The following ST7L variants were observed in gnomAD, a reference collection of about 807,000 sequenced individuals.
ST7L encodes suppressor of tumorigenicity 7 protein-like.
In ST7L, 57 loss-of-function variants were observed where a neutral mutation model predicts 72.5. That is an observed-to-expected ratio of 0.79 (90% confidence interval 0.64 to 0.98). The LOEUF (loss-of-function observed/expected upper bound fraction) is 0.98, where lower values mean the gene tolerates loss of function less well. Ranked by LOEUF, ST7L falls within the 50% of genes least tolerant of loss-of-function variation. The pLI is 0.00. For missense variants in ST7L, 576 were observed against 672.2 expected, an observed-to-expected ratio of 0.86 and a Z score of 1.58; for synonymous variants, 221 against 240.9, an observed-to-expected ratio of 0.92 and a Z score of 0.77.
intron 13 of ST7L, among the ~76,000 whole-genome samples, chr1:112,548,137 T>C (rs1657469299): frequency 6.6e-6 from 1 of 152,048 alleles, no homozygotes; most frequent in Non-Finnish European, 1.5e-5. Context: ...GGTGGATCAC[T>C]TGAGGCCAGG....
downstream of ST7L, chr1:112,520,796 T>A: frequency 2.2e-6 from 1 of 448,880 alleles, no homozygotes; most frequent in East Asian, 3.6e-5. Flanking sequence ...TGAGTTGCAC[T>A]AAAGTACGTA....
In ST7L at chr1:112,619,098, C is replaced by G. The variant is rs763465036; in HGVS notation, c.16G>C (p.Gly6Arg). 1 of 1,613,426 alleles carries G rather than the reference C, an allele frequency of 6.2e-7. No individual in the cohort carries two copies. Among genetic ancestry groups the G allele is most frequent in the East Asian group, 2.2e-5 (1 of 44,874 alleles). MADRG[G>R]VGEAAAVGAS... ...CCAACAGCTGCGGCTTCACCCACGC[C>G]GCCACGGTCCGCCATCTTGCCGCTA... Residue 6 changes from glycine (G) to arginine (R), a missense_variant, in exon 1 of 15, where the codon GGC becomes CGC. Physicochemically the swap from Gly to Arg is moderately radical, Grantham distance 125 (BLOSUM62 -2). Coordinates refer to ENST00000358039, the MANE Select transcript of ST7L (RefSeq NM_017744.5).
rs144874153 is a variant in ST7L, at chr1:112,531,502, G to A, written c.1630-5391C>T. On this transcript the variant is annotated intron_variant, in intron 14 of 14. Transcript: ENST00000358039. The stretch of plus-strand genomic sequence containing the variant: ...TTGACCTAACCGAATAAATTCTTCT[G>A]AAAGGAAGCATAATCTATTAGTCTA... 3.9e-5 allele frequency among the ~76,000 whole-genome samples: 6 copies of A among 152,280 alleles called. No individual in the cohort carries two copies. The East Asian group carries it at 9.7e-4, about 24-fold the overall frequency.
intron 11 of ST7L, among the ~76,000 whole-genome samples, chr1:112,562,903 T>C (rs1358635555): frequency 6.6e-6 from 1 of 152,142 alleles, no homozygotes; most frequent in African/African-American, 2.4e-5. Flanking sequence ...CAAGACACGG[T>C]AAAGTATTTG....
At chr1:112,560,944 C>G (rs184408441) in intron 11 of ST7L, among the ~76,000 whole-genome samples, 70 of 139,458 alleles carry the variant, frequency 5.0e-4, no homozygotes, top group Non-Finnish European at 8.5e-4. Context: ...GCCTGGGCGA[C>G]AACAGCAAAA....
intron 4 of ST7L, among the ~76,000 whole-genome samples, chr1:112,599,293 T>G (rs1667048829): frequency 6.6e-6 from 1 of 151,678 alleles, no homozygotes; most frequent in Non-Finnish European, 1.5e-5. Flanking sequence ...ATGGCATCTT[T>G]CATAAAAGCC....
chr1:112,552,849 TC>T, intron 12 of ST7L, among the ~76,000 whole-genome samples: 1 of 152,196 alleles, frequency 6.6e-6, no homozygotes, highest in Middle Eastern at 3.4e-3. Context: ...ATGCCTGTAA[TC>T]TCAGCTCCTT....
At chr1:112,577,681 T>C (rs1210671911) in intron 10 of ST7L, among the ~76,000 whole-genome samples, 1 of 151,868 alleles carries the variant, frequency 6.6e-6, no homozygotes, top group Non-Finnish European at 1.5e-5. Context: ...GGTAATAAAG[T>C]AATAAATGCA....
chr1:112,524,344 C>T lies in ST7L; in HGVS notation c.*1669G>A, dbSNP rs951925763. The T allele has an allele frequency of 2.6e-5, 4 of 152,674 alleles. No homozygotes were observed. Among genetic ancestry groups the T allele is most frequent in the East Asian group, 3.9e-4 (2 of 5,182 alleles). 9.5% of individuals were successfully genotyped at this position (152,674 alleles called of 1,614,324 possible). On this transcript the variant is annotated 3_prime_UTR_variant, in exon 15 of 15. Transcript: ENST00000358039. ...CAAGCTAGCTGGGGCGAAGGGAGGA[C>T]GCCAGGGAGAGTATGTTTCTCATCC...
At chr1:112,596,674 G>T (rs1161298734) in intron 5 of ST7L, among the ~76,000 whole-genome samples, 1 of 151,320 alleles carries the variant, frequency 6.6e-6, no homozygotes, top group Non-Finnish European at 1.5e-5. Context: ...GTCTCACTCT[G>T]TCGCCTAGGC....
chr1:112,602,248 C>G (rs1667535743), intron 3 of ST7L, among the ~76,000 whole-genome samples: 1 of 152,152 alleles, frequency 6.6e-6, no homozygotes, highest in Non-Finnish European at 1.5e-5. Flanking sequence ...CAGCAGTTCT[C>G]AAAGTATGAT....
chr1:112,619,628 T>C (rs115858905), upstream of ST7L: 9 of 573,108 alleles, frequency 1.6e-5, no homozygotes, highest in East Asian at 1.5e-4. Context: ...GGGAAAGATA[T>C]TAGACTTCAA....
At chr1:112,611,626 A>G (rs976812991) in intron 2 of ST7L, among the ~76,000 whole-genome samples, 1 of 152,136 alleles carries the variant, frequency 6.6e-6, no homozygotes, top group African/African-American at 2.4e-5. Flanking sequence ...TTCTATTTCC[A>G]TGGTTTATCA....
In ST7L at chr1:112,542,006, A is replaced by C; in HGVS notation, c.1574T>G (p.Met525Arg). Residue 525 changes from methionine to arginine, a missense_variant, in exon 14 of 15, where the codon ATG becomes AGG. By Grantham distance (91) the Met-to-Arg change is moderately conservative. Transcript: ENST00000358039. ...FTAGFCSSTA[M>R]IAILTHQFPE... is the part of the protein sequence containing the mutation. ...AAACTGGTGAGTGAGAATGGCTATC[A>C]TTGCTGTAGAAGAGCAAAATCCTGC... 1 of 1,614,032 alleles carries C rather than the reference A, an allele frequency of 6.2e-7. No homozygotes were observed. The highest frequency in any genetic ancestry group is 8.5e-7 in the Non-Finnish European group (1 of 1,179,972).
intron 12 of ST7L, among the ~76,000 whole-genome samples, chr1:112,554,730 T>C (rs2101590958): frequency 6.6e-6 from 1 of 152,264 alleles, no homozygotes; most frequent in South Asian, 2.1e-4. Flanking sequence ...CCAAGTTAAA[T>C]GGGTATCTGT....
chr1:112,547,554 TTGTCATC>T (rs908358398), intron 13 of ST7L, among the ~76,000 whole-genome samples: 1 of 147,144 alleles, frequency 6.8e-6, no homozygotes, highest in African/African-American at 2.5e-5. Context: ...TCTGTCATCT[TTGTCATC>T]TTTTTTTTTT....
intron 11 of ST7L, among the ~76,000 whole-genome samples, chr1:112,567,691 C>T (rs1661269146): frequency 6.6e-6 from 1 of 152,090 alleles, no homozygotes; most frequent in South Asian, 2.1e-4. Flanking sequence ...TGTTCTAGTA[C>T]CATTTGTTGA....
rs137919723 is a variant in ST7L, at chr1:112,559,617, C to T, written c.1246-3599G>A. On this transcript the variant is annotated intron_variant, in intron 11 of 14. Transcript: ENST00000358039. ...AGTGATAATTCAGGTGGTAAACACA[C>T]ATGGCACACTTATTAAGAAATTATA... is the stretch of plus-strand genomic sequence containing the variant. Among the ~76,000 whole-genome samples, 14 of 152,306 alleles carry T rather than the reference C, an allele frequency of 9.2e-5. No individual in the cohort carries two copies. The East Asian group carries it at 2.7e-3, about 29-fold the overall frequency.
downstream of ST7L, chr1:112,521,668 TCC>T (rs1428669055): frequency 3.5e-4 from 53 of 152,282 alleles, no homozygotes; most frequent in African/African-American, 1.1e-3. Flanking sequence ...ACTCTCCAAG[TCC>T]TAGTGATTAT....
Sources: gnomAD v4.1 joint callset for allele counts (sites outside exome capture counted in the v4.1 genomes callset) on GRCh38, gnomAD v4.1.1 for gene constraint, MANE v1.5 for transcripts, NCBI Gene and HGNC (gene_info 2026-07-23, HGNC 2026-07-21) for gene names.